Variants in CHUK observed in about 807,000 individuals in gnomAD.
CHUK encodes component of inhibitor of nuclear factor kappa B kinase complex, also known as inhibitor of nuclear factor kappa-B kinase subunit alpha.
In CHUK, 35 loss-of-function variants were observed where a neutral mutation model predicts 104.8. That is an observed-to-expected ratio of 0.33 (90% CI 0.26 to 0.44). CHUK has a LOEUF of 0.44. Among genes scored for constraint, CHUK ranks in the 20% least tolerant of loss-of-function variants. The pLI, the probability that CHUK is intolerant of heterozygous loss-of-function variation, is 1.00. For missense variants in CHUK, 663 were observed against 902.7 expected (o/e 0.73, Z 3.40); for synonymous variants, 276 against 291.9 (o/e 0.95, Z 0.56).
chr10:100,222,272 T>C, intron 3 of CHUK, 91 bp from the exon 4 acceptor site: 2 of 706,610 alleles, frequency 2.8e-6, no homozygotes, highest in Non-Finnish European at 2.5e-6. Context: ...TAAAAGAATA[T>C]TCAAATGAGA....
intron 9 of CHUK, among the ~76,000 whole-genome samples, chr10:100,215,797 C>G (rs1742807294): frequency 6.6e-6 from 1 of 152,110 alleles, no homozygotes; most frequent in African/African-American, 2.4e-5. Context: ...TACAGTAACA[C>G]CAAGCTGTTT....
chr10:100,200,904 G>A (rs964113421), intron 14 of CHUK, 124 bp from the exon 15 acceptor site: 12 of 696,568 alleles, frequency 1.7e-5, no homozygotes, highest in South Asian at 7.6e-5. Context: ...AATATAATAC[G>A]AAACACTGAT....
At chr10:100,217,896 G>T in intron 9 of CHUK, 99 bp downstream of exon 9, 1 of 1,197,000 alleles carries the variant, frequency 8.4e-7, no homozygotes, top group African/African-American at 1.5e-5. Context: ...AAATAAATAA[G>T]CAACAGGAAA....
chr10:100,200,770 A>C lies in CHUK; in HGVS notation c.1580T>G (p.Ile527Ser), dbSNP rs776019285. The stretch of plus-strand genomic sequence containing the variant: ...CATAATCTGATCCTCCAGGTATCCA[A>C]TGACACCAACCTAAAATATGATGAA... ...KAIHYAEVGV[I>S]GYLEDQIMSL... The change falls in exon 15 of 21, where the codon ATT becomes AGT. Residue 527 changes from isoleucine (I) to serine (S), a missense_variant. By Grantham distance (142) the Ile-to-Ser change is moderately radical (BLOSUM62 -2). Around this residue, in one of 5 missense-constraint regions of CHUK, gnomAD observed 311 missense variants for 393.4 expected, o/e 0.79. Transcript: ENST00000370397. 1.3e-6 allele frequency: 2 copies of C among 1,577,420 alleles called. No homozygotes were observed. Among genetic ancestry groups the C allele is most frequent in the East Asian group, 4.5e-5 (2 of 44,654 alleles).
intron 9 of CHUK, among the ~76,000 whole-genome samples, chr10:100,213,372 T>TA (rs1845774091): frequency 1.3e-5 from 2 of 151,662 alleles, no homozygotes. Flanking sequence ...TAATTCCAAC[T>TA]ACGCGGGAGG....
intron 4 of CHUK, among the ~76,000 whole-genome samples, chr10:100,221,060 G>C (rs902929154): frequency 6.6e-5 from 10 of 152,122 alleles, no homozygotes; most frequent in Non-Finnish European, 1.3e-4. Context: ...TTTGGTTTTT[G>C]AGGTTCCTCC....
At chr10:100,194,371 G>A in intron 17 of CHUK, 54 bp downstream of exon 17, 1 of 1,321,210 alleles carries the variant, frequency 7.6e-7, no homozygotes, top group Non-Finnish European at 1.1e-6. Context: ...ACTTTGAGAG[G>A]AACAAGATAA....
chr10:100,194,616 C>T, intron 16 of CHUK, 95 bp from the exon 17 acceptor site: 1 of 728,314 alleles, frequency 1.4e-6, no homozygotes, highest in Non-Finnish European at 2.4e-6. Flanking sequence ...AACTCTGAAA[C>T]TAATTTTAAT....
At chr10:100,222,067 C>T (rs753182818) in intron 4 of CHUK, 45 bp downstream of exon 4, 1 of 990,688 alleles carries the variant, frequency 1.0e-6, no homozygotes, top group South Asian at 1.3e-5. Flanking sequence ...TTTTATGGGC[C>T]AAAGGGACAT....
intron 2 of CHUK, among the ~76,000 whole-genome samples, chr10:100,225,181 T>C (rs1846077668): frequency 2.0e-5 from 3 of 152,192 alleles, no homozygotes; most frequent in Admixed American, 1.3e-4. Context: ...GTTTTGCTAC[T>C]ATCACTATAC....
intron 19 of CHUK, chr10:100,192,376 G>A (rs566607286): frequency 6.6e-6 from 1 of 152,406 alleles, no homozygotes; most frequent in Non-Finnish European, 1.5e-5. Context: ...TGCTACAGTT[G>A]TAGGTGTACT....
intron 19 of CHUK, among the ~76,000 whole-genome samples, chr10:100,191,662 T>C (rs1044972589): frequency 1.3e-5 from 2 of 152,182 alleles, no homozygotes; most frequent in African/African-American, 4.8e-5. Flanking sequence ...TTCAGTCCCC[T>C]AACAAGAGTC....
Position 100,189,380 on chromosome 10 carries a change from C to A in CHUK, c.*218G>T, listed in dbSNP as rs930323690. The A allele has an allele frequency of 7.5e-6, 4 of 533,864 alleles. No homozygotes were observed. The African/African-American group carries it at 7.6e-5, about 10-fold the overall frequency. The allele number at this position is 533,864 out of a possible 1,614,324, so 33.1% of individuals were successfully genotyped here. ...ACAAATATTCAAACAAGTACATTGA[C>A]TTTTTCTAAATTCCTGTCTGTTTAG... On this transcript the variant is annotated 3_prime_UTR_variant, in exon 21 of 21. Coordinates refer to ENST00000370397, the MANE Select transcript of CHUK (RefSeq NM_001278.5).
rs1846096918 is a variant in CHUK at position 100,226,012 on chromosome 10, A to G, written c.111T>C (p.Leu37=). The G allele has an allele frequency of 6.3e-7, 1 of 1,587,534 alleles. No homozygotes were observed. The highest frequency in any genetic ancestry group is 1.3e-5 in the African/African-American group (1 of 74,518). The change falls in exon 2 of 21, where the codon CTT becomes CTC. Residue 37 remains leucine, a synonymous_variant. Transcript: ENST00000370397. ...GNVCLYQHRE[L]DLKIAIKSCR... is the part of the protein sequence containing the mutation. Reference sequence around the variant, plus strand: ...AAGACTTAATTGCTATTTTGAGATCAAGTTCCTGCCAAAATAGAAAATCAA... The same window carrying G: ...AAGACTTAATTGCTATTTTGAGATCGAGTTCCTGCCAAAATAGAAAATCAA...
chr10:100,224,211 A>C (rs1846054207), intron 2 of CHUK, among the ~76,000 whole-genome samples: 1 of 152,184 alleles, frequency 6.6e-6, no homozygotes, highest in Admixed American at 6.5e-5. Context: ...CCACATGGCG[A>C]AGAACTGATG....
At chr10:100,209,040 T>A (rs1845659155) in intron 10 of CHUK, among the ~76,000 whole-genome samples, 1 of 152,142 alleles carries the variant, frequency 6.6e-6, no homozygotes, top group Non-Finnish European at 1.5e-5. Context: ...ATAAGGGTAA[T>A]CACCCCAGCA....
intron 15 of CHUK, among the ~76,000 whole-genome samples, chr10:100,200,388 T>G (rs1845433437): frequency 6.6e-6 from 1 of 152,198 alleles, no homozygotes; most frequent in Non-Finnish European, 1.5e-5. Context: ...ACCAGAGGTA[T>G]AATGAGTAGG....
At position 100,229,549 on chromosome 10, in the gene CHUK, C is replaced by G; in HGVS notation, c.-17G>C. On this transcript the variant is annotated 5_prime_UTR_variant, in exon 1 of 21. Transcript: ENST00000370397. ...CCGCTCCATGGGGCGGGAGGGCAAG[C>G]GGCCTCAGGTTCCACAGTTGTTCCA... The G allele has an allele frequency of 6.7e-7, 1 of 1,497,752 alleles. No homozygotes were observed. Among genetic ancestry groups the G allele is most frequent in the Non-Finnish European group, 9.0e-7 (1 of 1,115,964 alleles). 92.8% of individuals were successfully genotyped at this position (1,497,752 alleles called of 1,614,324 possible).
rs563817569 is a variant in CHUK at position 100,194,672 on chromosome 10, A to G, written c.1730-151T>C. ...ATTAAAAATTGGGTTAAGATAAAAG[A>G]TATAAAGATTACCTATAAATAAAAT... is the stretch of plus-strand genomic sequence containing the variant. On this transcript the variant is annotated intron_variant, in intron 16 of 20. Coordinates refer to ENST00000370397, the MANE Select transcript of CHUK (RefSeq NM_001278.5). 31 of 568,416 alleles carry G rather than the reference A, an allele frequency of 5.5e-5. No homozygotes were observed. The East Asian group carries it at 8.9e-4, about 16-fold the overall frequency. 35.2% of individuals were successfully genotyped at this position (568,416 alleles called of 1,614,324 possible).
Sources: allele counts gnomAD v4.1 joint callset (sites outside exome capture counted in the v4.1 genomes callset), GRCh38; gene constraint gnomAD v4.1.1; regional missense constraint gnomAD v4.1.1; transcripts MANE v1.5; gene names NCBI Gene and HGNC (gene_info 2026-07-23, HGNC 2026-07-21).